Variants in ZFYVE28 observed in about 807,000 individuals in gnomAD.
ZFYVE28 encodes the protein zinc finger FYVE-type containing 28.
ZFYVE28 carries 40 observed loss-of-function variants against 82.1 expected under a neutral mutation model. That is an observed-to-expected ratio of 0.49 (90% CI 0.38 to 0.63). The LOEUF (loss-of-function observed/expected upper bound fraction) is 0.63. Among genes scored for constraint, ZFYVE28 ranks in the 30% least tolerant of loss-of-function variants. The pLI is 0.00. For missense variants in ZFYVE28, 1,321 were observed against 1,242.1 expected, an observed-to-expected ratio of 1.06 and a Z score of -0.96; for synonymous variants, 612 against 546.1, an observed-to-expected ratio of 1.12 and a Z score of -1.68.
Position 2,354,050 on chromosome 4 carries a change from G to A in ZFYVE28, c.63C>T (p.Ala21=). Residue 21 remains alanine, a synonymous_variant, in exon 2 of 13, where the codon GCC becomes GCT. Transcript: ENST00000290974. ...GCTCCTCGTCGGCATAGTAGAACCG[G>A]GCAAGCAGCTGCGGATCCGACCTCT... ...KPKRSDPQLL[A]RFYYADEELN... is the part of the protein sequence containing the mutation. 6.4e-7 allele frequency: 1 copy of A among 1,574,422 alleles called. No homozygotes were observed. The highest frequency in any genetic ancestry group is 8.6e-7 in the Non-Finnish European group (1 of 1,160,194).
Position 2,408,736 on chromosome 4 carries a change from G to C in ZFYVE28, c.39+9549C>G, listed in dbSNP as rs1409956562. ...CCCCGCCCAGATGCCACCCCGCCCA[G>C]ATGCAGCCCTATCCAGATGGCCCCA... is the stretch of plus-strand genomic sequence containing the variant. On this transcript the variant is annotated intron_variant, in intron 1 of 12. Transcript: ENST00000290974. This position sits in a 1 kb window ranked among gnomAD's most constrained non-coding sequence, Gnocchi z 4.3. Among the ~76,000 whole-genome samples the C allele has an allele frequency of 6.6e-6, 1 of 151,978 alleles. No homozygotes were observed. The highest frequency in any genetic ancestry group is 1.9e-4 in the East Asian group (1 of 5,170).
In ZFYVE28 at chr4:2,334,541, C is replaced by T. The variant is rs776280564; in HGVS notation, c.701+1164G>A. Among the ~76,000 whole-genome samples, 18 of 151,944 alleles carry T rather than the reference C, an allele frequency of 1.2e-4. No individual in the cohort carries two copies. The East Asian group carries it at 1.9e-3, about 16-fold the overall frequency. On this transcript the variant is annotated intron_variant, in intron 6 of 12. Coordinates refer to ENST00000290974, the MANE Select transcript of ZFYVE28 (RefSeq NM_020972.3). Reference sequence around the variant, plus strand: ...TGCACTGCCACGTGTGCCTGTGCCCCGGGGTCCCCTGGGGCTCCTCAGCAT... The same window carrying T: ...TGCACTGCCACGTGTGCCTGTGCCCTGGGGTCCCCTGGGGCTCCTCAGCAT...
At chr4:2,306,071 T>C (rs3135061) in intron 7 of ZFYVE28, among the ~76,000 whole-genome samples, 44,049 of 152,196 alleles carry the variant, frequency 0.29, 6,530 homozygotes, top group East Asian at 0.36. Flanking sequence ...ACTACAATAA[T>C]GACAGCTGCA....
In ZFYVE28 at chr4:2,290,936, C is replaced by A. The variant is rs1713559435; in HGVS notation, c.2051+13353G>T. Reference sequence around the variant, plus strand: ...GAAAAGATCCCACTATTATTATGGTCTGGGAAACTATCCCTTTATGTTTTT... The same window carrying A: ...GAAAAGATCCCACTATTATTATGGTATGGGAAACTATCCCTTTATGTTTTT... On this transcript the variant is annotated intron_variant, in intron 8 of 12. Coordinates refer to ENST00000290974, the MANE Select transcript of ZFYVE28 (RefSeq NM_020972.3). Among the ~76,000 whole-genome samples, 3 of 152,240 alleles carry A rather than the reference C, an allele frequency of 2.0e-5. No individual in the cohort carries two copies. In the South Asian group the frequency reaches 6.2e-4, roughly 31 times the overall value.
chr4:2,296,560 G>C (rs10023852), intron 8 of ZFYVE28, among the ~76,000 whole-genome samples: 16,211 of 152,016 alleles, frequency 0.11, 2,129 homozygotes, highest in African/African-American at 0.3. Flanking sequence ...CCTGCCAGGG[G>C]CATGAAGTGG....
chr4:2,303,571 C>T (rs370495698), intron 8 of ZFYVE28, among the ~76,000 whole-genome samples: 315 of 152,250 alleles, frequency 2.1e-3, no homozygotes, highest in African/African-American at 6.4e-3. Context: ...GCCCTGACAA[C>T]GCAGCCATGA....
Position 2,304,415 on chromosome 4 carries a change from T to G in ZFYVE28, c.1925A>C (p.Gln642Pro), listed in dbSNP as rs201788954. ...TTGCAGCCCACTCGCTGTGTCCACC[T>G]GGGAACCTGAGGTGTGAGGCAGGCA... ...DKCLPHTSGS[Q>P]VDTASGLQGE... The change falls in exon 8 of 13, where the codon CAG (glutamine) becomes CCG (proline). Residue 642 changes from glutamine to proline, a missense_variant. Physicochemically the swap from Gln to Pro is moderately conservative, Grantham distance 76 (BLOSUM62 -1). This residue lies in a region of ZFYVE28 where 978 missense variants were observed against 833.7 expected (regional missense o/e 1.17). Coordinates refer to ENST00000290974, the MANE Select transcript of ZFYVE28 (RefSeq NM_020972.3). 6.2e-5 allele frequency: 100 copies of G among 1,613,452 alleles called. No homozygotes were observed. Among genetic ancestry groups the G allele is most frequent in the Middle Eastern group, 1.6e-4 (1 of 6,080 alleles).
intron 1 of ZFYVE28, among the ~76,000 whole-genome samples, chr4:2,364,071 C>T (rs984088807): frequency 2.6e-5 from 4 of 152,216 alleles, no homozygotes; most frequent in African/African-American, 9.6e-5. Flanking sequence ...CCAGGGCAGG[C>T]GCTGTGCCCT....
At chr4:2,388,212 C>A (rs1704582025) in intron 1 of ZFYVE28, among the ~76,000 whole-genome samples, 1 of 152,338 alleles carries the variant, frequency 6.6e-6, no homozygotes, top group South Asian at 2.1e-4. Context: ...AAATTCAAGA[C>A]ACATAAAAAC....
At chr4:2,274,879 G>A (rs778707191) in intron 8 of ZFYVE28, among the ~76,000 whole-genome samples, 6 of 135,524 alleles carry the variant, frequency 4.4e-5, no homozygotes, top group Non-Finnish European at 8.9e-5. Flanking sequence ...TGGGAGAGGC[G>A]AGAGGAGCCT....
intron 8 of ZFYVE28, among the ~76,000 whole-genome samples, chr4:2,283,460 C>A (rs530139265): frequency 1.4e-5 from 2 of 147,906 alleles, no homozygotes; most frequent in Non-Finnish European, 3.0e-5. Flanking sequence ...CCCATCCACC[C>A]ACCCATCCAT....
At chr4:2,273,874 C>G (rs1736148871) in intron 9 of ZFYVE28, among the ~76,000 whole-genome samples, 188 bp downstream of exon 9, 1 of 152,194 alleles carries the variant, frequency 6.6e-6, no homozygotes, top group Admixed American at 6.5e-5. Context: ...CAGCTCCCCT[C>G]CTCCTCCTGC....
In ZFYVE28 at chr4:2,362,977, G is replaced by A. The variant is rs1249417960; in HGVS notation, c.40-8904C>T. On this transcript the variant is annotated intron_variant, in intron 1 of 12. Transcript: ENST00000290974. This position sits in a 1 kb window ranked among gnomAD's most constrained non-coding sequence, Gnocchi z 5.1. ...CCTTCGGGCCCACACGTGGCACCAA[G>A]CCCTGGGCTCATCACCATCCCCGTG... 1.3e-5 allele frequency among the ~76,000 whole-genome samples: 2 copies of A among 151,404 alleles called. No individual in the cohort carries two copies. The highest frequency in any genetic ancestry group is 4.9e-5 in the African/African-American group (2 of 41,188).
In ZFYVE28 at chr4:2,358,807, C is replaced by G. The variant is rs79942690; in HGVS notation, c.40-4734G>C. Among the ~76,000 whole-genome samples, 7 of 151,800 alleles carry G rather than the reference C, an allele frequency of 4.6e-5. No homozygotes were observed. The South Asian group carries it at 6.2e-4, about 14-fold the overall frequency. ...CTGTGTTTGGAAACAGTATCTCCCC[C>G]ACTTTTTTTTTTGAGACAGGGTCTT... is the stretch of plus-strand genomic sequence containing the variant. On this transcript the variant is annotated intron_variant, in intron 1 of 12. Transcript: ENST00000290974.
chr4:2,282,859 C>A (rs1712139041), intron 8 of ZFYVE28, among the ~76,000 whole-genome samples: 2 of 151,882 alleles, frequency 1.3e-5, no homozygotes, highest in Non-Finnish European at 2.9e-5. Context: ...AGGAGGATCC[C>A]CTGAGCCCAG....
chr4:2,327,309 TCG>T (rs1168510825), intron 6 of ZFYVE28, among the ~76,000 whole-genome samples: 19 of 69,688 alleles, frequency 2.7e-4, no homozygotes, highest in East Asian at 7.7e-4. Flanking sequence ...TATATATATA[TCG>T]AATAAAGTTG....
chr4:2,394,641 C>T lies in ZFYVE28; in HGVS notation c.39+23644G>A, dbSNP rs530207032. On this transcript the variant is annotated intron_variant, in intron 1 of 12. Coordinates refer to ENST00000290974, the MANE Select transcript of ZFYVE28 (RefSeq NM_020972.3). The surrounding 1 kb of genome is among the most constrained non-coding windows in gnomAD (Gnocchi z 4.0). ...AACAAGGCACATGCTTCCAGCTGCT[C>T]GGGCTGCTCGGTCACAGGCAGGGGC... is the stretch of plus-strand genomic sequence containing the variant. 1.3e-5 allele frequency among the ~76,000 whole-genome samples: 2 copies of T among 152,238 alleles called. No homozygotes were observed. The highest frequency in any genetic ancestry group is 1.5e-5 in the Non-Finnish European group (1 of 68,038).
intron 1 of ZFYVE28, among the ~76,000 whole-genome samples, chr4:2,358,809 C>CT (rs111714888): frequency 5.4e-5 from 8 of 148,588 alleles, no homozygotes; most frequent in South Asian, 2.1e-4. Flanking sequence ...ATCTCCCCCA[C>CT]TTTTTTTTTT....
intron 1 of ZFYVE28, among the ~76,000 whole-genome samples, chr4:2,356,205 C>A (rs1348506623): frequency 1.3e-5 from 2 of 152,214 alleles, no homozygotes; most frequent in Non-Finnish European, 1.5e-5. Context: ...CCACTGCCCC[C>A]CTGCCTGGGC....
Sources: allele counts gnomAD v4.1 joint callset (sites outside exome capture counted in the v4.1 genomes callset), GRCh38; gene constraint gnomAD v4.1.1; regional missense constraint gnomAD v4.1.1; non-coding constraint Gnocchi (gnomAD v3.1); transcripts MANE v1.5; gene names NCBI Gene and HGNC (gene_info 2026-07-23, HGNC 2026-07-21).